TMEM33: variants seen among roughly 807,000 people sequenced by gnomAD.
The protein encoded by TMEM33 is transmembrane protein 33.
A neutral mutation model predicts 29.7 loss-of-function variants in TMEM33; 16 were observed. The observed-to-expected ratio is 0.54, with a 90% CI of 0.36 to 0.82. The LOEUF (loss-of-function observed/expected upper bound fraction) is 0.82, where lower values mean the gene tolerates loss of function less well. Ranked by LOEUF, TMEM33 falls within the 40% of genes least tolerant of loss-of-function variation. The pLI is 0.00. For missense variants in TMEM33, 252 were observed against 295.3 expected, an observed-to-expected ratio of 0.85 and a Z score of 1.08; for synonymous variants, 112 against 109.4, an observed-to-expected ratio of 1.02 and a Z score of -0.15.
chr4:41,937,357 C>T (rs1183366245), intron 1 of TMEM33, among the ~76,000 whole-genome samples: 2 of 152,152 alleles, frequency 1.3e-5, no homozygotes, highest in East Asian at 1.9e-4. Context: ...AGTCACAGTA[C>T]GGTAAGTCTG....
chr4:41,947,504 A>G (rs1712847635), intron 5 of TMEM33, among the ~76,000 whole-genome samples: 1 of 152,198 alleles, frequency 6.6e-6, no homozygotes, highest in South Asian at 2.1e-4. Flanking sequence ...TTAAATGTTT[A>G]ATTTAAACAT....
At chr4:41,940,039 A>G (rs1171270567) in intron 3 of TMEM33, among the ~76,000 whole-genome samples, 1 of 133,668 alleles carries the variant, frequency 7.5e-6, no homozygotes, top group African/African-American at 3.1e-5. Flanking sequence ...ACACTAGGTT[A>G]AACTTTCTTT....
intron 6 of TMEM33, among the ~76,000 whole-genome samples, chr4:41,953,584 A>G (rs2153128045): frequency 6.6e-6 from 1 of 152,310 alleles, no homozygotes; most frequent in Admixed American, 6.5e-5. Flanking sequence ...TCTAGTTTTC[A>G]TCTAAAGTAA....
intron 3 of TMEM33, among the ~76,000 whole-genome samples, chr4:41,940,777 T>A: frequency 7.7e-6 from 1 of 130,548 alleles, no homozygotes; most frequent in African/African-American, 3.0e-5. Flanking sequence ...CACTGCACTC[T>A]AGCCTGGGCG....
chr4:41,960,146 CATA>C lies in TMEM33; in HGVS notation c.*5953_*5955del, dbSNP rs1713415093. 6.6e-6 allele frequency: 1 copy of C among 152,112 alleles called. No homozygotes were observed. Among genetic ancestry groups the C allele is most frequent in the African/African-American group, 2.4e-5 (1 of 41,428 alleles). 9.4% of individuals were successfully genotyped at this position (152,112 alleles called of 1,614,324 possible). A position where few individuals can be genotyped will look rare whatever the true frequency, so the allele number is the denominator to read the frequency against. On this transcript the variant is annotated 3_prime_UTR_variant, in exon 7 of 7. Transcript: ENST00000504986. ...AGTCCTTTCAAGAAAATCTAATAAA[CATA>C]ATAATCATAGCCTGCTGACACTAAG...
intron 4 of TMEM33, 99 bp downstream of exon 4, chr4:41,943,913 A>G: frequency 1.9e-6 from 2 of 1,027,188 alleles, no homozygotes; most frequent in Non-Finnish European, 3.0e-6. Flanking sequence ...AAGTCCCTCT[A>G]TACCTTACAA....
In TMEM33 at chr4:41,941,297, C is replaced by G. The variant is rs139589819; in HGVS notation, c.328+1914C>G. ...TTGGCATATTATTGGCTTGACCAGC[C>G]TCTGTTGATTGAAGTGCTTTGCAGT... On this transcript the variant is annotated intron_variant, in intron 3 of 6. Coordinates refer to ENST00000504986, the MANE Select transcript of TMEM33 (RefSeq NM_018126.3). Among the ~76,000 whole-genome samples the G allele has an allele frequency of 1.6e-4, 25 of 152,312 alleles. 1 individual carries two copies. In the East Asian group the frequency reaches 4.8e-3, roughly 29 times the overall value.
At chr4:41,944,483 A>G (rs914909300) in intron 4 of TMEM33, among the ~76,000 whole-genome samples, 1 of 152,176 alleles carries the variant, frequency 6.6e-6, no homozygotes, top group African/African-American at 2.4e-5. Context: ...GTATTACTGG[A>G]TAGTCAGATT....
chr4:41,943,750 G>A lies in TMEM33; in HGVS notation c.332G>A (p.Ser111Asn), dbSNP rs1400586033. 6.2e-7 allele frequency: 1 copy of A among 1,613,596 alleles called. No homozygotes were observed. The highest frequency in any genetic ancestry group is 1.7e-5 in the Admixed American group (1 of 59,978). The change falls in exon 4 of 7, where the codon AGT becomes AAT. Residue 111 changes from serine (S) to asparagine (N), a missense_variant. Transcript: ENST00000504986. ...TTTCCTTAATTGTTTTCTTTAGTGA[G>A]TATCTTCCCAGTCTTGTTATTCTCT... ...IFVNSYPVTMSIFPVLLFSLL... is the reference protein window; with the variant it reads ...IFVNSYPVTMNIFPVLLFSLL...
intron 3 of TMEM33, among the ~76,000 whole-genome samples, chr4:41,942,828 A>T (rs60519705): frequency 1.1e-3 from 160 of 152,340 alleles, no homozygotes; most frequent in African/African-American, 2.8e-3. Flanking sequence ...GAGAGTTTCA[A>T]TTGACTATAT....
At position 41,956,509 on chromosome 4, in the gene TMEM33, AATC is replaced by A. The variant is rs1713283931; in HGVS notation, c.*2313_*2315del. ...ATACCATGATCCATGATTTTTTTAA[AATC>A]ATGATTGTCTTTTAAAGATCTGTGT... On this transcript the variant is annotated 3_prime_UTR_variant, in exon 7 of 7. Transcript: ENST00000504986. 6.6e-6 allele frequency: 1 copy of A among 151,980 alleles called. No homozygotes were observed. The highest frequency in any genetic ancestry group is 1.5e-5 in the Non-Finnish European group (1 of 68,000). The allele number at this position is 151,980 out of a possible 1,614,324, so 9.4% of individuals were successfully genotyped here.
rs1261590733 is a variant in TMEM33 at position 41,960,138 on chromosome 4, C to G, written c.*5939C>G. On this transcript the variant is annotated 3_prime_UTR_variant, in exon 7 of 7. Coordinates refer to ENST00000504986, the MANE Select transcript of TMEM33 (RefSeq NM_018126.3). The stretch of plus-strand genomic sequence containing the variant: ...AAATGTGAAGTCCTTTCAAGAAAAT[C>G]TAATAAACATAATAATCATAGCCTG... 1 of 152,168 alleles carries G rather than the reference C, an allele frequency of 6.6e-6. No homozygotes were observed. Among genetic ancestry groups the G allele is most frequent in the African/African-American group, 2.4e-5 (1 of 41,454 alleles). The allele number at this position is 152,168 out of a possible 1,614,324, so 9.4% of individuals were successfully genotyped here.
chr4:41,940,873 TGTGGTA>T (rs1712512141), intron 3 of TMEM33, among the ~76,000 whole-genome samples: 2 of 151,690 alleles, frequency 1.3e-5, no homozygotes, highest in East Asian at 3.9e-4. Context: ...AAAAAATTGT[TGTGGTA>T]TATTTTTAAT....
At chr4:41,947,869 G>A (rs1560518301) in intron 5 of TMEM33, among the ~76,000 whole-genome samples, 1 of 152,176 alleles carries the variant, frequency 6.6e-6, no homozygotes, top group Non-Finnish European at 1.5e-5. Flanking sequence ...TTACACATGC[G>A]TTGCACATGT....
intron 6 of TMEM33, among the ~76,000 whole-genome samples, chr4:41,951,871 A>T (rs929984103): frequency 6.6e-6 from 1 of 152,184 alleles, no homozygotes; most frequent in Admixed American, 6.5e-5. Context: ...GTGTCCACAA[A>T]GGTAGATGGT....
rs1456185374 is a variant in TMEM33 at position 41,939,224 on chromosome 4, C to T, written c.169C>T (p.Arg57Cys). The change falls in exon 3 of 7, where the codon CGT becomes TGT. Residue 57 changes from arginine (R) to cysteine (C), a missense_variant. Coordinates refer to ENST00000504986, the MANE Select transcript of TMEM33 (RefSeq NM_018126.3). ...GCATGAAGCAGCAAGCTTTTACCAA[C>T]GTGCTTTGCTGGCAAATGCTCTTAC... ...GLHEAASFYQ[R>C]ALLANALTSA... The T allele has an allele frequency of 6.2e-6, 10 of 1,602,410 alleles. No individual in the cohort carries two copies. The highest frequency in any genetic ancestry group is 2.2e-5 in the East Asian group (1 of 44,604).
chr4:41,952,214 G>A (rs1209077587), intron 6 of TMEM33, among the ~76,000 whole-genome samples: 3 of 152,126 alleles, frequency 2.0e-5, no homozygotes, highest in Non-Finnish European at 4.4e-5. Flanking sequence ...GTGCTCTCAC[G>A]AAGACAGGAG....
chr4:41,935,433 CCTTT>C lies in TMEM33; in HGVS notation c.-48_-45del, dbSNP rs541723306. ...GCCCCAGCGCTGACGTTTTCTCTCC[CCTTT>C]CTTCTCTCTTCGCGGTTGCGGCGTC... is the stretch of plus-strand genomic sequence containing the variant. On this transcript the variant is annotated 5_prime_UTR_variant, in exon 1 of 7. Coordinates refer to ENST00000504986, the MANE Select transcript of TMEM33 (RefSeq NM_018126.3). 2,247 of 1,566,936 alleles carry C rather than the reference CCTTT, an allele frequency of 1.4e-3. 4 individuals carry two copies. The highest frequency in any genetic ancestry group is 1.7e-3 in the Non-Finnish European group (1,985 of 1,153,732).
At chr4:41,952,073 A>G (rs535452059) in intron 6 of TMEM33, among the ~76,000 whole-genome samples, 2 of 152,168 alleles carry the variant, frequency 1.3e-5, no homozygotes, top group Non-Finnish European at 2.9e-5. Context: ...CTAGAGCCTG[A>G]ATTAATCCAG....
Sources: allele counts gnomAD v4.1 joint callset (sites outside exome capture counted in the v4.1 genomes callset), GRCh38; gene constraint gnomAD v4.1.1; transcripts MANE v1.5; gene names NCBI Gene and HGNC (gene_info 2026-07-23, HGNC 2026-07-21).